Variants in PUDP observed in about 807,000 individuals in gnomAD.
PUDP encodes the protein pseudouridine-5'-phosphatase.
PUDP carries 8 observed loss-of-function variants against 9.4 expected under a neutral mutation model. The observed-to-expected ratio is 0.85, with a 90% CI of 0.50 to 1.53. The LOEUF (loss-of-function observed/expected upper bound fraction) is 1.53, where lower values mean the gene tolerates loss of function less well. PUDP is among the 40% of genes most tolerant of loss of function. The pLI is 0.00. For missense variants in PUDP, 188 were observed against 189.7 expected (o/e 0.99, Z 0.05); for synonymous variants, 99 against 80.7 (o/e 1.23, Z -1.22).
chrX:7,033,467 C>G (rs1929816458), intron 1 of PUDP, among the ~76,000 whole-genome samples: 1 of 112,440 alleles, frequency 8.9e-6, no homozygotes, highest in Non-Finnish European at 1.9e-5. Flanking sequence ...GACTTTCTGT[C>G]TGAAACTTGA....
chrX:7,124,295 A>G (rs1932421396), intron 1 of PUDP, among the ~76,000 whole-genome samples: 1 of 112,267 alleles, frequency 8.9e-6, no homozygotes, highest in Admixed American at 9.5e-5. Context: ...TGTGGGTCAA[A>G]GATGAAATTA....
intron 3 of PUDP, among the ~76,000 whole-genome samples, chrX:7,071,547 C>G (rs1161616119): frequency 1.8e-5 from 2 of 110,976 alleles, no homozygotes; most frequent in African/African-American, 6.6e-5. Context: ...TAATCCCACC[C>G]TCTGTTCTTC....
rs539770959 is a variant in PUDP at position 6,795,211 on chromosome X, G to A, written c.*248-88745C>T. Among the ~76,000 whole-genome samples, 8 of 111,348 alleles carry A rather than the reference G, an allele frequency of 7.2e-5. No homozygotes were observed. The South Asian group carries it at 3.0e-3, about 42-fold the overall frequency. On this transcript the variant is annotated intron_variant and NMD_transcript_variant, in intron 3 of 3. Transcript: ENST00000655425. ...TGTGGTCTGTCACTGACAGAATGTCGTGACGTGGCTCATGACTGTAATTGT... is the reference window on the plus strand; with the variant it reads ...TGTGGTCTGTCACTGACAGAATGTCATGACGTGGCTCATGACTGTAATTGT...
chrX:7,006,910 A>G (rs1244889297), intron 1 of PUDP, among the ~76,000 whole-genome samples: 1 of 111,517 alleles, frequency 9.0e-6, no homozygotes, highest in Non-Finnish European at 1.9e-5. Flanking sequence ...ATAATGGCAC[A>G]GTGGCCAGGC....
intron 1 of PUDP, among the ~76,000 whole-genome samples, chrX:6,991,017 CGG>C (rs1929169311): frequency 8.9e-6 from 1 of 112,234 alleles, no homozygotes; most frequent in Non-Finnish European, 1.9e-5. Context: ...TTCATTCCCA[CGG>C]GAGCATGCTT....
At chrX:7,076,546 C>T (rs1209866028) in intron 3 of PUDP, among the ~76,000 whole-genome samples, 1 of 111,641 alleles carries the variant, frequency 9.0e-6, no homozygotes, top group Non-Finnish European at 1.9e-5. Flanking sequence ...CACAAGCGGT[C>T]GGCTCTCTAA....
At chrX:6,737,432 G>A (rs1340209593) in intron 3 of PUDP, among the ~76,000 whole-genome samples, 1 of 111,391 alleles carries the variant, frequency 9.0e-6, no homozygotes, top group Non-Finnish European at 1.9e-5. Context: ...CTCTGAGAAG[G>A]CAACGTTTGA....
chrX:7,009,980 GA>G (rs774604427), intron 1 of PUDP, among the ~76,000 whole-genome samples: 1 of 111,737 alleles, frequency 8.9e-6, no homozygotes, highest in Admixed American at 9.5e-5. Flanking sequence ...TTGGAATAAT[GA>G]AAAAAGTCAT....
intron 1 of PUDP, among the ~76,000 whole-genome samples, chrX:7,027,041 CT>C (rs1172541720): frequency 7.9e-4 from 88 of 111,491 alleles, no homozygotes; most frequent in African/African-American, 2.7e-3. Context: ...TGGAGTTTGA[CT>C]TCATATTTTT....
chrX:6,736,805 A>C, intron 3 of PUDP, among the ~76,000 whole-genome samples: 1 of 111,499 alleles, frequency 9.0e-6, no homozygotes, highest in Middle Eastern at 4.2e-3. Context: ...AACATTGAGG[A>C]CAGATAGACA....
intron 3 of PUDP, among the ~76,000 whole-genome samples, chrX:6,801,207 G>C (rs1052542660): frequency 1.8e-5 from 2 of 112,182 alleles, no homozygotes; most frequent in African/African-American, 3.2e-5. Flanking sequence ...CTTCCAGTTG[G>C]CCACAAAGAG....
chrX:6,786,005 T>C (rs190973072), intron 3 of PUDP, among the ~76,000 whole-genome samples: 62 of 111,529 alleles, frequency 5.6e-4, no homozygotes, highest in Non-Finnish European at 1.1e-3. Context: ...CATTTCTCTC[T>C]AAATTTCAAC....
At chrX:6,853,592 G>A (rs73190746) in intron 3 of PUDP, among the ~76,000 whole-genome samples, 9,414 of 110,095 alleles carry the variant, frequency 0.086, 469 homozygotes, top group East Asian at 0.28. Context: ...TTTGTCACCT[G>A]TAAAGGAAAA....
chrX:6,865,778 C>T (rs1319701989), intron 3 of PUDP, among the ~76,000 whole-genome samples: 1 of 110,466 alleles, frequency 9.1e-6, no homozygotes, highest in African/African-American at 3.3e-5. Flanking sequence ...GCATGCTGAG[C>T]TGATTAAGCT....
At chrX:7,092,749 C>T (rs764771555) in intron 2 of PUDP, among the ~76,000 whole-genome samples, 4 of 111,822 alleles carry the variant, frequency 3.6e-5, no homozygotes, top group Non-Finnish European at 5.6e-5. Context: ...TGACACTGGG[C>T]CCAAGTCCCC....
At chrX:7,031,611 AAAACAAAC>A (rs201588005) in intron 1 of PUDP, among the ~76,000 whole-genome samples, 7 of 112,394 alleles carry the variant, frequency 6.2e-5, no homozygotes, top group Admixed American at 1.9e-4. Context: ...TATATTTTAA[AAAACAAAC>A]AAACAAACAA....
intron 3 of PUDP, among the ~76,000 whole-genome samples, chrX:6,754,531 A>C (rs1925147119): frequency 9.1e-6 from 1 of 110,114 alleles, no homozygotes; most frequent in Non-Finnish European, 1.9e-5. Context: ...TATGTCATAC[A>C]TTATAAATTA....
intron 3 of PUDP, among the ~76,000 whole-genome samples, chrX:6,837,779 T>G (rs1488571621): frequency 9.0e-6 from 1 of 111,300 alleles, no homozygotes; most frequent in Non-Finnish European, 1.9e-5. Context: ...CCCCAGCCCT[T>G]TCTGTGGCTA....
intron 3 of PUDP, among the ~76,000 whole-genome samples, chrX:6,806,336 T>C (rs905173771): frequency 1.8e-4 from 20 of 111,657 alleles, no homozygotes; most frequent in African/African-American, 6.5e-4. Context: ...TATTTATTAA[T>C]GTATTTATTG....
Sources: gnomAD v4.1 joint callset for allele counts (sites outside exome capture counted in the v4.1 genomes callset) on GRCh38, gnomAD v4.1.1 for gene constraint, MANE v1.5 for transcripts, NCBI Gene and HGNC (gene_info 2026-07-23, HGNC 2026-07-21) for gene names.